Variants in NR6A1 observed in about 807,000 individuals in gnomAD.
NR6A1 encodes nuclear receptor subfamily 6 group A member 1.
Under a neutral mutation model 59.1 loss-of-function variants are expected in NR6A1, and 7 were observed. That is an observed-to-expected ratio of 0.12 (90% CI 0.07 to 0.22). The LOEUF is 0.22. Ranked by LOEUF, NR6A1 falls within the 10% of genes least tolerant of loss-of-function variation. The probability of loss-of-function intolerance (pLI) is 1.00; values close to 1 mark genes in which losing one functional copy is unlikely to be tolerated. For missense variants in NR6A1, 468 were observed against 611.6 expected, an observed-to-expected ratio of 0.77 and a Z score of 2.48; for synonymous variants, 243 against 236.1, an observed-to-expected ratio of 1.03 and a Z score of -0.27.
chr9:124,706,339 A>G (rs1405462539), intron 2 of NR6A1, among the ~76,000 whole-genome samples: 1 of 152,138 alleles, frequency 6.6e-6, no homozygotes, highest in East Asian at 1.9e-4. Context: ...TACTATTTCC[A>G]CTGTTCATCA....
intron 2 of NR6A1, among the ~76,000 whole-genome samples, chr9:124,659,356 C>T (rs761591831): frequency 7.9e-5 from 12 of 152,182 alleles, no homozygotes; most frequent in Admixed American, 3.3e-4. Flanking sequence ...TCTGAAACTG[C>T]CAGCCATTTT....
intron 2 of NR6A1, among the ~76,000 whole-genome samples, chr9:124,636,378 T>C (rs781126677): frequency 6.6e-6 from 1 of 152,204 alleles, no homozygotes; most frequent in Non-Finnish European, 1.5e-5. Context: ...TTTCATTCCA[T>C]TGACAGTGTT....
chr9:124,618,470 G>A (rs571842113), intron 2 of NR6A1, among the ~76,000 whole-genome samples: 3 of 152,150 alleles, frequency 2.0e-5, no homozygotes, highest in East Asian at 1.9e-4. Flanking sequence ...GCAACAGAGT[G>A]AGACTCTATC....
chr9:124,739,265 T>C (rs149501008), intron 1 of NR6A1, among the ~76,000 whole-genome samples: 7 of 152,086 alleles, frequency 4.6e-5, no homozygotes, highest in African/African-American at 1.7e-4. Flanking sequence ...TTTGCTATTA[T>C]CAAATTAACT....
intron 2 of NR6A1, chr9:124,698,506 A>T (rs897425781): frequency 6.6e-6 from 1 of 152,350 alleles, no homozygotes; most frequent in Admixed American, 6.5e-5. Context: ...ACAATGAAGG[A>T]AATTCCAGCC....
chr9:124,550,375 A>ATTTTT (rs58594452), intron 3 of NR6A1, among the ~76,000 whole-genome samples: 39 of 117,560 alleles, frequency 3.3e-4, no homozygotes, highest in Non-Finnish European at 4.7e-4. Context: ...CTAATGGTGA[A>ATTTTT]TTTTTTTTTT....
intron 2 of NR6A1, among the ~76,000 whole-genome samples, chr9:124,724,932 T>C (rs1839666591): frequency 6.6e-6 from 1 of 152,204 alleles, no homozygotes; most frequent in African/African-American, 2.4e-5. Context: ...TCAGAGCAAG[T>C]CCTGAAGTCA....
chr9:124,769,998 G>A (rs931173908), intron 1 of NR6A1: 1 of 152,310 alleles, frequency 6.6e-6, no homozygotes, highest in Non-Finnish European at 1.5e-5. Context: ...GGGAGCGAAG[G>A]GGAGGAGGGC....
Position 124,524,829 on chromosome 9 carries a change from T to C in NR6A1, c.1246A>G (p.Lys416Glu). 1 of 1,613,888 alleles carries C rather than the reference T, an allele frequency of 6.2e-7. No individual in the cohort carries two copies. Among genetic ancestry groups the C allele is most frequent in the Non-Finnish European group, 8.5e-7 (1 of 1,179,956 alleles). The change falls in exon 9 of 10, where the codon AAA becomes GAA. Residue 416 changes from lysine (K) to glutamate (E), a missense_variant. By Grantham distance (56) the Lys-to-Glu change is moderately conservative (BLOSUM62 1). This residue lies in a region of NR6A1 where 176 missense variants were observed against 264.0 expected (regional missense o/e 0.67). Coordinates refer to ENST00000487099, the MANE Select transcript of NR6A1 (RefSeq NM_033334.4). ...TSASQLEQLN[K>E]RYWYICQDFT... ...TCCTGGCAAATGTACCAGTATCGTT[T>C]ATTCAATTGTTCCAGCTGTGAGGCA...
intron 1 of NR6A1, among the ~76,000 whole-genome samples, chr9:124,763,511 A>G (rs1301588131): frequency 6.6e-6 from 1 of 152,252 alleles, no homozygotes; most frequent in Non-Finnish European, 1.5e-5. Context: ...GTTTGGATGC[A>G]ACCATAAATA....
intron 2 of NR6A1, among the ~76,000 whole-genome samples, chr9:124,635,059 T>C (rs1836562096): frequency 6.6e-6 from 1 of 152,158 alleles, no homozygotes; most frequent in Non-Finnish European, 1.5e-5. Flanking sequence ...GTATATTAAA[T>C]GGGTTTTAAC....
intron 2 of NR6A1, among the ~76,000 whole-genome samples, chr9:124,666,609 T>G (rs1837629214): frequency 6.6e-6 from 1 of 152,194 alleles, no homozygotes; most frequent in Non-Finnish European, 1.5e-5. Flanking sequence ...CATTACATTT[T>G]GTCAGGCTCA....
At chr9:124,564,986 TG>T (rs1259984403) in intron 2 of NR6A1, among the ~76,000 whole-genome samples, 1 of 152,184 alleles carries the variant, frequency 6.6e-6, no homozygotes, top group African/African-American at 2.4e-5. Context: ...TGAATTGTGA[TG>T]GGGCAATTTG....
intron 2 of NR6A1, chr9:124,599,164 C>A: frequency 5.2e-6 from 3 of 579,730 alleles, no homozygotes; most frequent in South Asian, 1.6e-5. Context: ...CCTCTTTGGC[C>A]GGGGGCGGTG....
At chr9:124,656,509 A>C (rs1322031028) in intron 2 of NR6A1, among the ~76,000 whole-genome samples, 3 of 152,186 alleles carry the variant, frequency 2.0e-5, no homozygotes, top group Non-Finnish European at 4.4e-5. Flanking sequence ...TATTCCACTT[A>C]TATGAGGTAT....
intron 6 of NR6A1, among the ~76,000 whole-genome samples, chr9:124,537,055 C>T (rs980546109): frequency 7.3e-5 from 11 of 151,324 alleles, no homozygotes; most frequent in African/African-American, 2.7e-4. Context: ...CTTTTCCTCA[C>T]ACTCCCACAT....
At chr9:124,769,958 CAG>C (rs1841067032) in intron 1 of NR6A1, among the ~76,000 whole-genome samples, 1 of 152,220 alleles carries the variant, frequency 6.6e-6, no homozygotes. Flanking sequence ...AAATATCAAA[CAG>C]ATACAAATAA....
intron 2 of NR6A1, among the ~76,000 whole-genome samples, chr9:124,672,965 T>C (rs1837840977): frequency 6.6e-6 from 1 of 152,120 alleles, no homozygotes; most frequent in South Asian, 2.1e-4. Flanking sequence ...AGAAAACACA[T>C]TCATTTCTGA....
intron 1 of NR6A1, among the ~76,000 whole-genome samples, chr9:124,769,888 C>T (rs1449514407): frequency 6.6e-6 from 1 of 152,250 alleles, no homozygotes; most frequent in Non-Finnish European, 1.5e-5. Flanking sequence ...CTTTTACGAC[C>T]TCACAAAAGC....
Sources: gnomAD v4.1 joint callset for allele counts (sites outside exome capture counted in the v4.1 genomes callset) on GRCh38, gnomAD v4.1.1 for gene constraint, gnomAD v4.1.1 regional missense constraint, MANE v1.5 for transcripts, NCBI Gene and HGNC (gene_info 2026-07-23, HGNC 2026-07-21) for gene names.